Variants in NXPH1 observed in about 807,000 individuals in gnomAD.
The protein encoded by NXPH1 is neurexophilin 1, also known as neurexophilin-1.
In NXPH1, 5 loss-of-function variants were observed where a neutral mutation model predicts 23.7. That is an observed-to-expected ratio of 0.21 (90% confidence interval 0.11 to 0.44). The LOEUF (loss-of-function observed/expected upper bound fraction) is 0.44. NXPH1 is among the 20% of genes least tolerant of loss of function. The pLI is 0.99. For synonymous variants in NXPH1, 144 were observed against 122.2 expected, an observed-to-expected ratio of 1.18 and a Z score of -1.18; for missense variants, 324 against 321.6, an observed-to-expected ratio of 1.01 and a Z score of -0.06.
chr7:8,536,943 T>C (rs921497828), intron 2 of NXPH1, among the ~76,000 whole-genome samples: 2 of 151,920 alleles, frequency 1.3e-5, no homozygotes, highest in South Asian at 2.1e-4. Flanking sequence ...TGGTGGCCAA[T>C]TGATAGTGAG....
chr7:8,440,736 T>C (rs1215277223), intron 2 of NXPH1, among the ~76,000 whole-genome samples: 2 of 151,770 alleles, frequency 1.3e-5, no homozygotes, highest in Non-Finnish European at 2.9e-5. Context: ...TTTTCTGCCC[T>C]GAGCTTCTTT....
At chr7:8,464,549 T>A (rs981497586) in intron 2 of NXPH1, among the ~76,000 whole-genome samples, 1 of 152,216 alleles carries the variant, frequency 6.6e-6, no homozygotes, top group African/African-American at 2.4e-5. Context: ...TCCCTACACA[T>A]GCTCAAGGCA....
At chr7:8,650,455 G>A (rs1820473479) in intron 2 of NXPH1, among the ~76,000 whole-genome samples, 1 of 152,172 alleles carries the variant, frequency 6.6e-6, no homozygotes, top group Non-Finnish European at 1.5e-5. Flanking sequence ...TTAATTAGCA[G>A]TCTAAGTTTT....
chr7:8,584,928 G>T (rs1317573558), intron 2 of NXPH1, among the ~76,000 whole-genome samples: 1 of 152,154 alleles, frequency 6.6e-6, no homozygotes, highest in Non-Finnish European at 1.5e-5. Flanking sequence ...CATAGGAATT[G>T]CTTTGGTAAC....
intron 2 of NXPH1, among the ~76,000 whole-genome samples, chr7:8,733,655 GT>G (rs1394667626): frequency 6.6e-6 from 1 of 151,734 alleles, no homozygotes; most frequent in Admixed American, 6.6e-5. Flanking sequence ...TTTTTAATAT[GT>G]TTTTTGGCCA....
intron 2 of NXPH1, among the ~76,000 whole-genome samples, chr7:8,470,497 C>A (rs547207703): frequency 3.7e-4 from 57 of 152,256 alleles, no homozygotes; most frequent in South Asian, 1.2e-3. Context: ...TGAATCACTT[C>A]TGAATATTAG....
chr7:8,749,295 A>G (rs1306509376), intron 2 of NXPH1, among the ~76,000 whole-genome samples: 1 of 152,218 alleles, frequency 6.6e-6, no homozygotes, highest in Non-Finnish European at 1.5e-5. Context: ...TACATTTTAC[A>G]GATTCAGGAA....
chr7:8,725,102 T>C (rs548807511), intron 2 of NXPH1, among the ~76,000 whole-genome samples: 2 of 152,348 alleles, frequency 1.3e-5, no homozygotes, highest in African/African-American at 4.8e-5. Context: ...GAAGAGCTTT[T>C]TAAAAGAATT....
chr7:8,715,592 GCA>G, intron 2 of NXPH1, among the ~76,000 whole-genome samples: 1 of 152,096 alleles, frequency 6.6e-6, no homozygotes, highest in Non-Finnish European at 1.5e-5. Flanking sequence ...TTATAAAAAG[GCA>G]AAAATGCCAA....
intron 2 of NXPH1, among the ~76,000 whole-genome samples, chr7:8,730,947 G>T (rs1174913890): frequency 1.3e-5 from 2 of 149,398 alleles, no homozygotes; most frequent in Non-Finnish European, 3.0e-5. Flanking sequence ...TTCCAACTTG[G>T]TTCCATTCTC....
chr7:8,486,651 T>C (rs1426152592), intron 2 of NXPH1, among the ~76,000 whole-genome samples: 1 of 152,190 alleles, frequency 6.6e-6, no homozygotes, highest in Non-Finnish European at 1.5e-5. Flanking sequence ...GATCCAGCCC[T>C]GCCTGCCTCT....
In NXPH1 at chr7:8,623,706, A is replaced by C. The variant is rs569815299; in HGVS notation, c.55-127302A>C. Among the ~76,000 whole-genome samples, 21 of 88,306 alleles carry C rather than the reference A, an allele frequency of 2.4e-4. No homozygotes were observed. In the South Asian group the frequency reaches 5.7e-3, roughly 24 times the overall value. 57.9% of individuals were successfully genotyped at this position (88,306 alleles called of 152,430 possible). A position where few individuals can be genotyped will look rare whatever the true frequency, so the allele number is the denominator to read the frequency against. On this transcript the variant is annotated intron_variant, in intron 2 of 2. Coordinates refer to ENST00000405863, the MANE Select transcript of NXPH1 (RefSeq NM_152745.3). ...TATTTTTAAGAGATATATACTGAGAAGTCTCATATGTGCCTTTTATTGTCA... is the reference window on the plus strand; with the variant it reads ...TATTTTTAAGAGATATATACTGAGACGTCTCATATGTGCCTTTTATTGTCA...
intron 2 of NXPH1, among the ~76,000 whole-genome samples, chr7:8,541,156 T>C (rs937568478): frequency 6.6e-6 from 1 of 151,784 alleles, no homozygotes; most frequent in African/African-American, 2.4e-5. Flanking sequence ...ATGGAAGAGA[T>C]GGACTTCAAG....
chr7:8,597,151 G>T (rs1002597223), intron 2 of NXPH1, among the ~76,000 whole-genome samples: 2 of 152,078 alleles, frequency 1.3e-5, no homozygotes, highest in Admixed American at 1.3e-4. Context: ...GCAGATACTA[G>T]TTATGATAAA....
intron 2 of NXPH1, among the ~76,000 whole-genome samples, chr7:8,480,250 A>G (rs1817050628): frequency 6.6e-6 from 1 of 152,164 alleles, no homozygotes; most frequent in African/African-American, 2.4e-5. Flanking sequence ...TGTTTTATTT[A>G]TAATTAAAAA....
chr7:8,537,336 G>C (rs1207840217), intron 2 of NXPH1, among the ~76,000 whole-genome samples: 1 of 151,986 alleles, frequency 6.6e-6, no homozygotes, highest in Non-Finnish European at 1.5e-5. Flanking sequence ...GCATACTTGA[G>C]ACTGGGTAAT....
At chr7:8,617,719 C>G (rs112525618) in intron 2 of NXPH1, among the ~76,000 whole-genome samples, 5 of 152,148 alleles carry the variant, frequency 3.3e-5, no homozygotes, top group African/African-American at 1.2e-4. Flanking sequence ...CAAATAAAAC[C>G]TACTATTTGA....
intron 2 of NXPH1, among the ~76,000 whole-genome samples, chr7:8,520,918 A>G (rs1422368264): frequency 6.6e-6 from 1 of 152,160 alleles, no homozygotes; most frequent in Non-Finnish European, 1.5e-5. Context: ...TGGCATTCAC[A>G]TGCAGTTGAT....
intron 2 of NXPH1, among the ~76,000 whole-genome samples, chr7:8,723,218 A>T (rs1779996874): frequency 6.6e-6 from 1 of 152,194 alleles, no homozygotes; most frequent in East Asian, 1.9e-4. Context: ...AGCAATTATT[A>T]TTTGTCAATA....
Sources: allele counts gnomAD v4.1 joint callset (sites outside exome capture counted in the v4.1 genomes callset), GRCh38; gene constraint gnomAD v4.1.1; transcripts MANE v1.5; gene names NCBI Gene and HGNC (gene_info 2026-07-23, HGNC 2026-07-21).